Variants in IFI27 observed in about 807,000 individuals in gnomAD.
The protein encoded by IFI27 is interferon alpha inducible protein 27.
IFI27 carries 3 observed loss-of-function variants against 8.9 expected under a neutral mutation model. The ratio of observed to expected loss-of-function variants is 0.34; its 90% confidence interval spans 0.15 to 0.87. The LOEUF is 0.87. Among genes scored for constraint, IFI27 ranks in the 40% least tolerant of loss-of-function variants. The probability of loss-of-function intolerance (pLI) is 0.51; values close to 1 mark genes in which losing one functional copy is unlikely to be tolerated. For missense variants in IFI27, 152 were observed against 157.7 expected, an observed-to-expected ratio of 0.96 and a Z score of 0.19; for synonymous variants, 66 against 67.3, an observed-to-expected ratio of 0.98 and a Z score of 0.09.
chr14:94,114,949 C>A, intron 3 of IFI27, 69 bp downstream of exon 3: 1 of 1,440,516 alleles, frequency 6.9e-7, no homozygotes, highest in Non-Finnish European at 9.8e-7. Flanking sequence ...GAGCAGCTGG[C>A]CTTGTCCATG....
At position 94,116,305 on chromosome 14, in the gene IFI27, A is replaced by G; in HGVS notation, c.284-137A>G. 1.5e-6 allele frequency: 1 copy of G among 677,900 alleles called. No homozygotes were observed. Among genetic ancestry groups the G allele is most frequent in the South Asian group, 1.7e-5 (1 of 59,104 alleles). The allele number at this position is 677,900 out of a possible 1,614,324, so 42.0% of individuals were successfully genotyped here. A position where few individuals can be genotyped will look rare whatever the true frequency, so the allele number is the denominator to read the frequency against. On this transcript the variant is annotated intron_variant, in intron 4 of 4. Transcript: ENST00000621160. This position sits in a 1 kb window ranked among gnomAD's most constrained non-coding sequence, Gnocchi z 4.3. ...ACAAAGACCCCGAGGGTACTGGGAAACAGAGAGGGGAACTGGGTGGGGTCT... is the reference window on the plus strand; with the variant it reads ...ACAAAGACCCCGAGGGTACTGGGAAGCAGAGAGGGGAACTGGGTGGGGTCT...
chr14:94,114,727 T>C, intron 2 of IFI27, 124 bp from the exon 3 acceptor site: 2 of 892,432 alleles, frequency 2.2e-6, no homozygotes, highest in Non-Finnish European at 3.7e-6. Flanking sequence ...TAGACAGGAG[T>C]CATCCCTTCT....
At chr14:94,109,404 GGGAAA>G (rs61520979), upstream of IFI27, among the ~76,000 whole-genome samples, 461 of 146,262 alleles carry the variant, frequency 3.2e-3, 1 homozygote, top group African/African-American at 8.3e-3. Context: ...GCAAGGGCAA[GGGAAA>G]GGAAAGGAAA....
At chr14:94,112,512 G>A (rs181276218) in intron 2 of IFI27, among the ~76,000 whole-genome samples, 7 of 152,338 alleles carry the variant, frequency 4.6e-5, no homozygotes, top group African/African-American at 1.7e-4. Flanking sequence ...TCCTCTGTGT[G>A]TATCCCCTGC....
chr14:94,114,723 G>T, intron 2 of IFI27, 128 bp from the exon 3 acceptor site: 1 of 860,864 alleles, frequency 1.2e-6, no homozygotes, highest in Non-Finnish European at 1.9e-6. Flanking sequence ...GCGGTAGACA[G>T]GAGTCATCCC....
chr14:94,114,866 T>C (rs1887329774), exon 3 of IFI27: 1 of 1,614,108 alleles, frequency 6.2e-7, no homozygotes, highest in Non-Finnish European at 8.5e-7. Context: ...ATTGCTACAG[T>C]TGTGATTGGA....
chr14:94,116,268 G>A lies in IFI27; in HGVS notation c.284-174G>A, dbSNP rs1352218656. 5.6e-5 allele frequency: 36 copies of A among 645,372 alleles called. No homozygotes were observed. Among genetic ancestry groups the A allele is most frequent in the Non-Finnish European group, 3.6e-5 (13 of 359,834 alleles). 40.0% of individuals were successfully genotyped at this position (645,372 alleles called of 1,614,324 possible). A position where few individuals can be genotyped will look rare whatever the true frequency, so the allele number is the denominator to read the frequency against. Reference sequence around the variant, plus strand: ...ACCATGGGGGTTCATGCCTGCAGCAGCCTCTCCCCAAACAAAGACCCCGAG... The same window carrying A: ...ACCATGGGGGTTCATGCCTGCAGCAACCTCTCCCCAAACAAAGACCCCGAG... On this transcript the variant is annotated intron_variant, in intron 4 of 4. Transcript: ENST00000621160. The surrounding 1 kb of genome is among the most constrained non-coding windows in gnomAD (Gnocchi z 4.3).
Position 94,114,900 on chromosome 14 carries a change from G to C in IFI27, c.121+20G>C. The C allele has an allele frequency of 6.2e-7, 1 of 1,613,054 alleles. No homozygotes were observed. The highest frequency in any genetic ancestry group is 8.5e-7 in the Non-Finnish European group (1 of 1,178,978). Reference sequence around the variant, plus strand: ...GAGGAGGTGAGTCTGTGGGGAAGGGGCTCAAGTAACCACCTGCCCCTAGGG... The same window carrying C: ...GAGGAGGTGAGTCTGTGGGGAAGGGCCTCAAGTAACCACCTGCCCCTAGGG... On this transcript the variant is annotated intron_variant, in intron 3 of 4. Coordinates refer to ENST00000621160, the Ensembl canonical transcript of IFI27.
At position 94,111,567 on chromosome 14, in the gene IFI27, T is replaced by C. The variant is rs544554302; in HGVS notation, c.-58-58T>C. 2 of 811,042 alleles carry C rather than the reference T, an allele frequency of 2.5e-6. No individual in the cohort carries two copies. Among genetic ancestry groups the C allele is most frequent in the Admixed American group, 2.0e-5 (1 of 50,196 alleles). 50.2% of individuals were successfully genotyped at this position (811,042 alleles called of 1,614,324 possible). ...GAGCCCGTCACATTTTTCAGGACAG[T>C]GGGAAGCAAGTCAGGTTGTGTGCCC... is the stretch of plus-strand genomic sequence containing the variant. On this transcript the variant is annotated intron_variant, in intron 1 of 4. Coordinates refer to ENST00000621160, the Ensembl canonical transcript of IFI27. The surrounding 1 kb of genome is among the most constrained non-coding windows in gnomAD (Gnocchi z 4.3).
upstream of IFI27, among the ~76,000 whole-genome samples, chr14:94,106,120 C>G (rs1463956079): frequency 6.6e-6 from 1 of 152,124 alleles, no homozygotes; most frequent in African/African-American, 2.4e-5. Context: ...TTTCTGTGTC[C>G]TCACATGGTA....
In IFI27 at chr14:94,116,381, C is replaced by T; in HGVS notation, c.284-61C>T. 1 of 1,216,014 alleles carries T rather than the reference C, an allele frequency of 8.2e-7. No homozygotes were observed. Among genetic ancestry groups the T allele is most frequent in the Non-Finnish European group, 1.2e-6 (1 of 833,516 alleles). The allele number at this position is 1,216,014 out of a possible 1,614,324, so 75.3% of individuals were successfully genotyped here. A position where few individuals can be genotyped will look rare whatever the true frequency, so the allele number is the denominator to read the frequency against. On this transcript the variant is annotated intron_variant, in intron 4 of 4. Transcript: ENST00000621160. The surrounding 1 kb of genome is among the most constrained non-coding windows in gnomAD (Gnocchi z 4.3). ...CACTGGAGTCTCTGACCCCACAGTC[C>T]TGCCCACAGAGCTTCCCCGACAGGC...
rs1384852461 is a variant in IFI27, at chr14:94,111,255, C to T, written c.-58-370C>T. ...GATTACATAAGAGCAGGCACCTCGC[C>T]TGCTGTATATGCCTTAAAAATGCGA... On this transcript the variant is annotated intron_variant, in intron 1 of 4. Transcript: ENST00000621160. The surrounding 1 kb of genome is among the most constrained non-coding windows in gnomAD (Gnocchi z 4.3). 3.3e-5 allele frequency among the ~76,000 whole-genome samples: 5 copies of T among 152,168 alleles called. No homozygotes were observed. Among genetic ancestry groups the T allele is most frequent in the African/African-American group, 4.8e-5 (2 of 41,450 alleles).
intron 2 of IFI27, among the ~76,000 whole-genome samples, chr14:94,112,652 C>G (rs1202715154): frequency 3.3e-5 from 5 of 152,256 alleles, no homozygotes; most frequent in African/African-American, 1.2e-4. Flanking sequence ...CTGCCCCAAC[C>G]TCTAACCTCT....
At chr14:94,115,003 T>C (rs1887336382) in intron 3 of IFI27, 123 bp downstream of exon 3, 5 of 867,016 alleles carry the variant, frequency 5.8e-6, no homozygotes, top group Non-Finnish European at 7.8e-6. Context: ...GAGGTGGGGA[T>C]GAGGGGCTAA....
rs1174862328 is a variant in IFI27, at chr14:94,111,431, AAC to A, written c.-58-190_-58-189del. ...ATAAAGTCCCTCAGGGCCCTGACCT[AAC>A]ACAGGTCCTTTGGTAGCCCCAACTC... On this transcript the variant is annotated intron_variant, in intron 1 of 4. Transcript: ENST00000621160. The surrounding 1 kb of genome is among the most constrained non-coding windows in gnomAD (Gnocchi z 4.3). 6.6e-6 allele frequency among the ~76,000 whole-genome samples: 1 copy of A among 152,082 alleles called. No homozygotes were observed. Among genetic ancestry groups the A allele is most frequent in the Non-Finnish European group, 1.5e-5 (1 of 68,016 alleles).
chr14:94,112,574 G>A (rs1389649117), intron 2 of IFI27, among the ~76,000 whole-genome samples: 1 of 152,148 alleles, frequency 6.6e-6, no homozygotes, highest in South Asian at 2.1e-4. Context: ...CCCCAACTCC[G>A]CCAGCACAAA....
At position 94,111,309 on chromosome 14, in the gene IFI27, T is replaced by C. The variant is rs1381530817; in HGVS notation, c.-58-316T>C. Reference sequence around the variant, plus strand: ...GTTCTGATTTCTTAGTTTTGGTGCTTTTTCAATTGCTCCGTGGAGAGATAA... The same window carrying C: ...GTTCTGATTTCTTAGTTTTGGTGCTCTTTCAATTGCTCCGTGGAGAGATAA... On this transcript the variant is annotated intron_variant, in intron 1 of 4. Coordinates refer to ENST00000621160, the Ensembl canonical transcript of IFI27. The surrounding 1 kb of genome is among the most constrained non-coding windows in gnomAD (Gnocchi z 4.3). 6.6e-6 allele frequency among the ~76,000 whole-genome samples: 1 copy of C among 152,162 alleles called. No individual in the cohort carries two copies. Among genetic ancestry groups the C allele is most frequent in the Non-Finnish European group, 1.5e-5 (1 of 68,018 alleles).
upstream of IFI27, among the ~76,000 whole-genome samples, chr14:94,108,059 A>G (rs978010841): frequency 1.3e-5 from 2 of 151,700 alleles, no homozygotes; most frequent in African/African-American, 2.4e-5. Context: ...TCATTGTTCA[A>G]CTCCCACTTA....
At chr14:94,115,886 TTGCCAA>T in exon 4 of IFI27, 1 of 1,599,544 alleles carries the variant, frequency 6.3e-7, no homozygotes, top group Non-Finnish European at 8.5e-7. Flanking sequence ...GCGGCGGCCA[TTGCCAA>T]TGGGGGTGGA....
Sources: gnomAD v4.1 joint callset for allele counts (sites outside exome capture counted in the v4.1 genomes callset) on GRCh38, gnomAD v4.1.1 for gene constraint, Gnocchi (gnomAD v3.1) non-coding constraint, MANE v1.5 for transcripts, NCBI Gene and HGNC (gene_info 2026-07-23, HGNC 2026-07-21) for gene names.